LRSAM1: variants seen among roughly 807,000 people sequenced by gnomAD.
LRSAM1 encodes E3 ubiquitin-protein ligase LRSAM1.
LRSAM1 carries 96 observed loss-of-function variants against 118.1 expected under a neutral mutation model. That is an observed-to-expected ratio of 0.81 (90% CI 0.69 to 0.96). The LOEUF (loss-of-function observed/expected upper bound fraction) is 0.96, where lower values mean the gene tolerates loss of function less well. Among genes scored for constraint, LRSAM1 ranks in the 40% least tolerant of loss-of-function variants. LRSAM1 has a pLI of 0.00. For synonymous variants in LRSAM1, 322 were observed against 364.2 expected (o/e 0.88, Z 1.32); for missense variants, 804 against 915.5 (o/e 0.88, Z 1.57).
Position 127,473,932 on chromosome 9 carries a change from GTAAGACAAGGCAGCC to G in LRSAM1, c.750+3_750+17del, listed in dbSNP as rs768968569. 7 of 1,614,246 alleles carry G rather than the reference GTAAGACAAGGCAGCC, an allele frequency of 4.3e-6. No homozygotes were observed. The highest frequency in any genetic ancestry group is 5.9e-6 in the Non-Finnish European group (7 of 1,180,048). ...CTCAAGGGAGGAGTTAGAGTGGCAG[GTAAGACAAGGCAGCC>G]TGCTGCACGCATACATGTGTGTGTG... On this transcript the variant is annotated splice_donor_variant and splice_donor_5th_base_variant and intron_variant, in intron 11 of 25. Coordinates refer to ENST00000300417, the MANE Select transcript of LRSAM1 (RefSeq NM_001005373.4). LOFTEE classifies it high-confidence loss of function.
chr9:127,452,968 G>C (rs1422196272), intron 2 of LRSAM1, among the ~76,000 whole-genome samples: 2 of 152,234 alleles, frequency 1.3e-5, no homozygotes, highest in African/African-American at 4.8e-5. Flanking sequence ...GCACCAAGCA[G>C]TCGGGCAAAT....
chr9:127,483,076 G>A, intron 16 of LRSAM1, 56 bp downstream of exon 16: 1 of 1,537,962 alleles, frequency 6.5e-7, no homozygotes, highest in Non-Finnish European at 9.0e-7. Flanking sequence ...GGGCTGGCAG[G>A]GTGGATGGCC....
At chr9:127,491,152 C>A in intron 19 of LRSAM1, 63 bp from the exon 20 acceptor site, 1 of 1,376,108 alleles carries the variant, frequency 7.3e-7, no homozygotes, top group East Asian at 2.3e-5. Context: ...CAGAGAGTAG[C>A]AGCACAAAAC....
rs746831085 is a variant in LRSAM1, at chr9:127,497,259, G to A, written c.1837G>A (p.Val613Ile). ...CTTCCTTGAACTGTCACAGGTGGGC[G>A]TCTCAGAAGCTGGCCTGCAGCACGA... ...MSPGDLAKVG[V>I]SEAGLQHEIL... The change falls in exon 24 of 26, where the codon GTC (valine) becomes ATC (isoleucine). Residue 613 changes from valine to isoleucine, a missense_variant. By Grantham distance (29) the Val-to-Ile change is conservative. Transcript: ENST00000300417. 56 of 1,613,066 alleles carry A rather than the reference G, an allele frequency of 3.5e-5. No individual in the cohort carries two copies. Among genetic ancestry groups the A allele is most frequent in the Non-Finnish European group, 4.3e-5 (51 of 1,179,974 alleles).
At position 127,503,124 on chromosome 9, in the gene LRSAM1, G is replaced by A. The variant is rs1836461175; in HGVS notation, c.*225G>A. 1.7e-6 allele frequency: 1 copy of A among 601,190 alleles called. No individual in the cohort carries two copies. Among genetic ancestry groups the A allele is most frequent in the African/African-American group, 1.9e-5 (1 of 53,686 alleles). 37.2% of individuals were successfully genotyped at this position (601,190 alleles called of 1,614,324 possible). On this transcript the variant is annotated 3_prime_UTR_variant, in exon 26 of 26. Coordinates refer to ENST00000300417, the MANE Select transcript of LRSAM1 (RefSeq NM_001005373.4). ...CAGTCTGAATGGTCCTGGGGGCTGG[G>A]GCTGGAGAGGCCGCTGCACCACCAC...
At chr9:127,480,272 C>A (rs1835490130) in intron 14 of LRSAM1, among the ~76,000 whole-genome samples, 1 of 152,214 alleles carries the variant, frequency 6.6e-6, no homozygotes, top group South Asian at 2.1e-4. Flanking sequence ...GTGGGTTTGA[C>A]AAGATAGTTG....
intron 9 of LRSAM1, among the ~76,000 whole-genome samples, chr9:127,466,365 A>G (rs553984178): frequency 2.0e-3 from 308 of 151,532 alleles, no homozygotes; most frequent in Non-Finnish European, 3.8e-3. Context: ...CTCCTTTTAG[A>G]GGAAACCACT....
chr9:127,457,996 T>A (rs1484960045), intron 6 of LRSAM1, among the ~76,000 whole-genome samples: 1 of 151,078 alleles, frequency 6.6e-6, no homozygotes, highest in African/African-American at 2.4e-5. Flanking sequence ...ATTTTGCACC[T>A]GAGTTTGGTT....
Position 127,459,051 on chromosome 9 carries a change from G to T in LRSAM1, c.301G>T (p.Gly101Trp), listed in dbSNP as rs558871054. Residue 101 changes from glycine (G) to tryptophan (W), a missense_variant, in exon 7 of 26, where the codon GGG becomes TGG. Gly to Trp is a radical substitution (Grantham distance 184, BLOSUM62 -2). Coordinates refer to ENST00000300417, the MANE Select transcript of LRSAM1 (RefSeq NM_001005373.4). ...NQLTALPDDL[G>W]QLTALQVLNV... ...GCTGACAGCCCTTCCTGACGATCTG[G>T]GGCAGCTGACTGCCCTCCAGGTAAG... 5 of 1,613,670 alleles carry T rather than the reference G, an allele frequency of 3.1e-6. No homozygotes were observed. The South Asian group carries it at 5.5e-5, about 18-fold the overall frequency.
chr9:127,466,414 A>C (rs1834922964), intron 9 of LRSAM1, among the ~76,000 whole-genome samples: 1 of 146,184 alleles, frequency 6.8e-6, no homozygotes, highest in South Asian at 2.2e-4. Flanking sequence ...TTTTCTATAA[A>C]ATATGAATGT....
At chr9:127,484,097 A>G (rs1471905065) in intron 16 of LRSAM1, among the ~76,000 whole-genome samples, 2 of 150,314 alleles carry the variant, frequency 1.3e-5, no homozygotes, top group Non-Finnish European at 3.0e-5. Context: ...CCCTCCCCTC[A>G]GCCCCTGGGA....
At chr9:127,457,282 T>G in intron 5 of LRSAM1, 34 bp from the exon 6 acceptor site, 1 of 1,612,124 alleles carries the variant, frequency 6.2e-7, no homozygotes, top group Non-Finnish European at 8.5e-7. Flanking sequence ...CTGCTCTTCC[T>G]CAGCCCAGCA....
chr9:127,454,728 T>C, intron 3 of LRSAM1, 129 bp downstream of exon 3: 3 of 1,076,448 alleles, frequency 2.8e-6, no homozygotes, highest in Non-Finnish European at 4.2e-6. Context: ...GAAGAAATAT[T>C]TGACTTAGAC....
chr9:127,477,877 G>C (rs1438701580), intron 11 of LRSAM1, among the ~76,000 whole-genome samples: 2 of 152,046 alleles, frequency 1.3e-5, no homozygotes, highest in African/African-American at 4.8e-5. Context: ...GTGAAACCCT[G>C]TCTCTATTAA....
Position 127,454,937 on chromosome 9 carries a change from C to T in LRSAM1, c.73-61C>T, listed in dbSNP as rs1390015795. 4 of 1,488,602 alleles carry T rather than the reference C, an allele frequency of 2.7e-6. No homozygotes were observed. In the African/African-American group the frequency reaches 5.5e-5, roughly 21 times the overall value. The allele number at this position is 1,488,602 out of a possible 1,614,324, so 92.2% of individuals were successfully genotyped here. A position where few individuals can be genotyped will look rare whatever the true frequency, so the allele number is the denominator to read the frequency against. Reference sequence around the variant, plus strand: ...GCTTACATTTATGTTCTTTGCCTGGCTTGTCCACTCTGCAAAGGTGTTTTG... The same window carrying T: ...GCTTACATTTATGTTCTTTGCCTGGTTTGTCCACTCTGCAAAGGTGTTTTG... On this transcript the variant is annotated intron_variant, in intron 3 of 25. Coordinates refer to ENST00000300417, the MANE Select transcript of LRSAM1 (RefSeq NM_001005373.4).
Position 127,482,992 on chromosome 9 carries a change from T to C in LRSAM1, c.1131T>C (p.Thr377=), listed in dbSNP as rs141912153. 17 of 1,585,916 alleles carry C rather than the reference T, an allele frequency of 1.1e-5. No individual in the cohort carries two copies. Among genetic ancestry groups the C allele is most frequent in the Non-Finnish European group, 1.5e-5 (17 of 1,166,306 alleles). ...EQLMSITQEE[T]ESLRRRDVAS... ...TGATGTCCATAACCCAGGAGGAGAC[T>C]GAGAGCCTGCGGCGACGTGACGTTG... Residue 377 remains threonine, a synonymous_variant, in exon 16 of 26, where the codon ACT becomes ACC. Coordinates refer to ENST00000300417, the MANE Select transcript of LRSAM1 (RefSeq NM_001005373.4).
At chr9:127,485,879 C>T (rs760866621) in intron 17 of LRSAM1, 44 bp downstream of exon 17, 1 of 1,591,958 alleles carries the variant, frequency 6.3e-7, no homozygotes, top group South Asian at 1.1e-5. Flanking sequence ...GCTGGGGGAG[C>T]TGGCTCAGGG....
chr9:127,460,274 A>G (rs763160989), intron 7 of LRSAM1, among the ~76,000 whole-genome samples: 1 of 152,194 alleles, frequency 6.6e-6, no homozygotes, highest in African/African-American at 2.4e-5. Flanking sequence ...CTGGGATTAC[A>G]GGTGTTAGCC....
intron 2 of LRSAM1, 84 bp from the exon 3 acceptor site, chr9:127,454,412 T>TGCTC: frequency 3.0e-6 from 3 of 995,468 alleles, no homozygotes; most frequent in Non-Finnish European, 4.7e-6. Context: ...ACCAGCTGCA[T>TGCTC]GCTCTGTGTT....
Sources: gnomAD v4.1 joint callset for allele counts (sites outside exome capture counted in the v4.1 genomes callset) on GRCh38, gnomAD v4.1.1 for gene constraint, MANE v1.5 for transcripts, NCBI Gene and HGNC (gene_info 2026-07-23, HGNC 2026-07-21) for gene names.